The following SLC4A7 variants were observed in gnomAD, a reference collection of about 807,000 sequenced individuals.
SLC4A7 encodes the protein solute carrier family 4 member 7.
A neutral mutation model predicts 137.6 loss-of-function variants in SLC4A7; 51 were observed. The ratio of observed to expected loss-of-function variants is 0.37; its 90% confidence interval spans 0.30 to 0.47. SLC4A7 has a LOEUF of 0.47. SLC4A7 is among the 20% of genes least tolerant of loss of function. The pLI is 1.00. For missense variants in SLC4A7, 1,247 were observed against 1,525.4 expected (o/e 0.82, Z 3.04); for synonymous variants, 542 against 518.6 (o/e 1.05, Z -0.61).
intron 3 of SLC4A7, among the ~76,000 whole-genome samples, chr3:27,447,812 C>T (rs763024457): frequency 1.4e-4 from 22 of 152,068 alleles, no homozygotes; most frequent in Admixed American, 9.8e-4. Flanking sequence ...AAAACCCTGT[C>T]CTTTTATATA....
chr3:27,459,000 T>A (rs1412257597), intron 1 of SLC4A7, among the ~76,000 whole-genome samples: 11 of 151,854 alleles, frequency 7.2e-5, no homozygotes, highest in Non-Finnish European at 1.5e-5. Flanking sequence ...ATCTAAAAAA[T>A]AAAAAATTAA....
Position 27,372,748 on chromosome 3 carries a change from A to G in SLC4A7, c.*4016T>C, listed in dbSNP as rs573292204. ...TAATTAAGTAGACTTTTATTGCTCA[A>G]TCAACTTCAGTAACATCTCCAAAAA... On this transcript the variant is annotated 3_prime_UTR_variant, in exon 26 of 26. Coordinates refer to ENST00000454389, the MANE Select transcript of SLC4A7 (RefSeq NM_001321103.2). 119 of 152,788 alleles carry G rather than the reference A, an allele frequency of 7.8e-4. No individual in the cohort carries two copies. Among genetic ancestry groups the G allele is most frequent in the African/African-American group, 2.3e-3 (96 of 41,576 alleles). 9.5% of individuals were successfully genotyped at this position (152,788 alleles called of 1,614,324 possible).
At chr3:27,454,083 G>T (rs1421777490) in intron 1 of SLC4A7, among the ~76,000 whole-genome samples, 1 of 152,102 alleles carries the variant, frequency 6.6e-6, no homozygotes, top group Non-Finnish European at 1.5e-5. Context: ...GGCTGAGATG[G>T]GAGTATCACT....
At position 27,472,286 on chromosome 3, in the gene SLC4A7, T is replaced by A. The variant is rs545201875; in HGVS notation, c.60+11781A>T. On this transcript the variant is annotated intron_variant, in intron 1 of 25. Coordinates refer to ENST00000454389, the MANE Select transcript of SLC4A7 (RefSeq NM_001321103.2). ...AGTGACAAGATATTAAATTTTAAAA[T>A]GTCTTTTTAAATTGAATGCAGCTGG... Among the ~76,000 whole-genome samples the A allele has an allele frequency of 3.1e-3, 474 of 152,286 alleles. 3 individuals are homozygous for A. Among genetic ancestry groups the A allele is most frequent in the African/African-American group, 0.011 (460 of 41,556 alleles).
In SLC4A7 at chr3:27,380,180, G is replaced by A. The variant is rs977543007; in HGVS notation, c.3591-824C>T. On this transcript the variant is annotated intron_variant, in intron 24 of 25. Transcript: ENST00000454389. Reference sequence around the variant, plus strand: ...AAATTAGCCGGGTACGGTGGCACTCGGCTGTAATCCCAGCTACTTGGGAGG... The same window carrying A: ...AAATTAGCCGGGTACGGTGGCACTCAGCTGTAATCCCAGCTACTTGGGAGG... Among the ~76,000 whole-genome samples, 12 of 152,006 alleles carry A rather than the reference G, an allele frequency of 7.9e-5. No homozygotes were observed. In the East Asian group the frequency reaches 2.1e-3, roughly 27 times the overall value.
chr3:27,436,517 C>T lies in SLC4A7; in HGVS notation c.460G>A (p.Gly154Ser). The change falls in exon 5 of 26, where the codon GGC (glycine) becomes AGC (serine). Residue 154 changes from glycine (G) to serine (S), a missense_variant. Transcript: ENST00000454389. ...TAAGGTTTACTCCATCGGTCACCGC[C>T]ATCTTCAACATCCTCTTCAAATTTC... ...WLKFEEDVEDGGDRWSKPYVA... is the reference protein window; with the variant it reads ...WLKFEEDVEDSGDRWSKPYVA... The T allele has an allele frequency of 6.2e-7, 1 of 1,611,704 alleles. No individual in the cohort carries two copies. Among genetic ancestry groups the T allele is most frequent in the Non-Finnish European group, 8.5e-7 (1 of 1,178,606 alleles).
At chr3:27,442,994 T>C (rs2057318521) in intron 3 of SLC4A7, among the ~76,000 whole-genome samples, 1 of 151,524 alleles carries the variant, frequency 6.6e-6, no homozygotes, top group African/African-American at 2.4e-5. Flanking sequence ...GTTACAGGCA[T>C]TAGCCACCGC....
At chr3:27,413,429 T>C (rs946951424) in intron 11 of SLC4A7, among the ~76,000 whole-genome samples, 1 of 152,154 alleles carries the variant, frequency 6.6e-6, no homozygotes, top group Non-Finnish European at 1.5e-5. Context: ...AACAAGTATA[T>C]TGATGTGAAG....
In SLC4A7 at chr3:27,398,365, G is replaced by A. The variant is rs779464350; in HGVS notation, c.2428-12C>T. The A allele has an allele frequency of 5.7e-6, 9 of 1,581,744 alleles. No individual in the cohort carries two copies. The South Asian group carries it at 7.1e-5, about 12-fold the overall frequency. ...AGTTTTTTACATTCCTGGAAAAAAG[G>A]AGAAAGAAAAAGCAGAATGGGGGAT... On this transcript the variant is annotated splice_polypyrimidine_tract_variant and intron_variant, in intron 16 of 25. Coordinates refer to ENST00000454389, the MANE Select transcript of SLC4A7 (RefSeq NM_001321103.2).
intron 3 of SLC4A7, among the ~76,000 whole-genome samples, chr3:27,446,385 A>G (rs2057637971): frequency 6.6e-6 from 1 of 152,158 alleles, no homozygotes; most frequent in African/African-American, 2.4e-5. Flanking sequence ...TTGGTAGTTA[A>G]GACAAAAACT....
At chr3:27,437,747 AAG>A (rs1303750416) in intron 3 of SLC4A7, among the ~76,000 whole-genome samples, 8 of 152,192 alleles carry the variant, frequency 5.3e-5, no homozygotes, top group Admixed American at 2.0e-4. Flanking sequence ...ATAGAAAAAA[AAG>A]AAAATTATGT....
At chr3:27,416,520 C>T (rs1364366512) in intron 11 of SLC4A7, among the ~76,000 whole-genome samples, 2 of 152,042 alleles carry the variant, frequency 1.3e-5, no homozygotes, top group African/African-American at 4.8e-5. Flanking sequence ...TTTATGCATT[C>T]AGGAATACCT....
intron 11 of SLC4A7, among the ~76,000 whole-genome samples, chr3:27,413,770 G>C (rs967623686): frequency 2.0e-5 from 3 of 152,140 alleles, no homozygotes; most frequent in Admixed American, 1.3e-4. Flanking sequence ...AGAAATACTA[G>C]AGACATTTGA....
intron 3 of SLC4A7, 146 bp downstream of exon 3, chr3:27,448,505 A>G (rs9883830): frequency 0.94 from 418,991 of 447,530 alleles, 196,434 homozygotes; most frequent in East Asian, 1. Flanking sequence ...ACTTCAATTG[A>G]TATTCCCCAA....
intron 6 of SLC4A7, among the ~76,000 whole-genome samples, chr3:27,432,624 A>C (rs2056405732): frequency 6.6e-6 from 1 of 152,198 alleles, no homozygotes; most frequent in South Asian, 2.1e-4. Flanking sequence ...AGAAATAGTT[A>C]AACTATAATC....
At chr3:27,378,354 G>A (rs555850452) in intron 25 of SLC4A7, among the ~76,000 whole-genome samples, 1 of 152,186 alleles carries the variant, frequency 6.6e-6, no homozygotes, top group Admixed American at 6.5e-5. Context: ...TTCATCTGAT[G>A]CCCAAGCAGA....
In SLC4A7 at chr3:27,431,558, G is replaced by A; in HGVS notation, c.890C>T (p.Ser297Phe). The A allele has an allele frequency of 6.2e-7, 1 of 1,614,124 alleles. No homozygotes were observed. Among genetic ancestry groups the A allele is most frequent in the Non-Finnish European group, 8.5e-7 (1 of 1,180,006 alleles). ...GCCTGCAGGGGTTCCAGCTCTTGAAGAAGGAAGAAGATGACCAAGAAGAAG... is the reference window on the plus strand; with the variant it reads ...GCCTGCAGGGGTTCCAGCTCTTGAAAAAGGAAGAAGATGACCAAGAAGAAG... The part of the protein sequence containing the change: ...LSLLLGHLLP[S>F]SRAGTPAGSR... The change falls in exon 7 of 26, where the codon TCT (serine) becomes TTT (phenylalanine). Residue 297 changes from serine (S) to phenylalanine (F), a missense_variant. Transcript: ENST00000454389.
At chr3:27,418,203 T>C (rs949132515) in intron 11 of SLC4A7, among the ~76,000 whole-genome samples, 1 of 152,132 alleles carries the variant, frequency 6.6e-6, no homozygotes, top group Non-Finnish European at 1.5e-5. Flanking sequence ...ACAACTTTTA[T>C]ATGAAAAAAG....
intron 1 of SLC4A7, among the ~76,000 whole-genome samples, chr3:27,454,068 T>C (rs1171514911): frequency 6.6e-6 from 1 of 152,090 alleles, no homozygotes; most frequent in Non-Finnish European, 1.5e-5. Flanking sequence ...CCCAGTACTT[T>C]GGGAGGCTGA....
Sources: gnomAD v4.1 joint callset for allele counts (sites outside exome capture counted in the v4.1 genomes callset) on GRCh38, gnomAD v4.1.1 for gene constraint, MANE v1.5 for transcripts, NCBI Gene and HGNC (gene_info 2026-07-23, HGNC 2026-07-21) for gene names.